Variants in PDE1A observed in about 807,000 individuals in gnomAD.
PDE1A encodes the protein dual specificity calcium/calmodulin-dependent 3',5'-cyclic nucleotide phosphodiesterase 1A.
Under a neutral mutation model 61.7 loss-of-function variants are expected in PDE1A, and 35 were observed. The observed-to-expected ratio is 0.57, with a 90% confidence interval of 0.43 to 0.75. PDE1A has a LOEUF of 0.75. PDE1A is among the 30% of genes least tolerant of loss of function. PDE1A has a pLI of 0.00. For missense variants in PDE1A, 597 were observed against 630.6 expected (o/e 0.95, Z 0.57); for synonymous variants, 232 against 213.2 (o/e 1.09, Z -0.77).
chr2:182,317,351 C>T (rs1394533653), intron 1 of PDE1A, among the ~76,000 whole-genome samples: 2 of 151,778 alleles, frequency 1.3e-5, no homozygotes, highest in African/African-American at 2.4e-5. Flanking sequence ...CTCAATGCTA[C>T]CATCATCCAC....
At chr2:182,426,134 T>C (rs573531880) in intron 1 of PDE1A, among the ~76,000 whole-genome samples, 1 of 152,316 alleles carries the variant, frequency 6.6e-6, no homozygotes, top group East Asian at 1.9e-4. Flanking sequence ...ATGTGCACTC[T>C]AGTAAAGTAG....
chr2:182,578,641 T>C, the PDE1A span, among the ~76,000 whole-genome samples: 1 of 152,174 alleles, frequency 6.6e-6, no homozygotes, highest in African/African-American at 2.4e-5. Context: ...ATTTATACAA[T>C]AGAAAAGTAT....
intron 1 of PDE1A, among the ~76,000 whole-genome samples, chr2:182,289,577 C>G (rs1200392979): frequency 1.3e-5 from 2 of 152,056 alleles, no homozygotes; most frequent in Non-Finnish European, 2.9e-5. Context: ...TTTTCTGGTT[C>G]AAGAAAAAGC....
At chr2:182,272,101 A>G (rs1693067425) in intron 1 of PDE1A, among the ~76,000 whole-genome samples, 1 of 152,158 alleles carries the variant, frequency 6.6e-6, no homozygotes, top group South Asian at 2.1e-4. Context: ...AAAGAAAAAC[A>G]TTAGAGAGCC....
chr2:182,627,916 C>T, the PDE1A span, among the ~76,000 whole-genome samples: 3 of 149,618 alleles, frequency 2.0e-5, no homozygotes, highest in Non-Finnish European at 4.4e-5. Context: ...TGCACTCCAG[C>T]CTGGGCAACA....
intron 10 of PDE1A, among the ~76,000 whole-genome samples, chr2:182,194,410 A>T (rs1241946885): frequency 6.6e-6 from 1 of 152,154 alleles, no homozygotes; most frequent in Non-Finnish European, 1.5e-5. Context: ...TATCAGTCAT[A>T]GTTAAAATAA....
intron 13 of PDE1A, among the ~76,000 whole-genome samples, chr2:182,154,165 AAAC>A (rs752564339): frequency 3.9e-5 from 6 of 152,288 alleles, no homozygotes; most frequent in Middle Eastern, 3.4e-3. Flanking sequence ...GAAAACAAAC[AAAC>A]AACAACAACA....
chr2:182,340,139 T>C (rs1460398927), intron 1 of PDE1A, among the ~76,000 whole-genome samples: 1 of 152,170 alleles, frequency 6.6e-6, no homozygotes. Context: ...GTTTGTAGAT[T>C]TATAAAATTG....
chr2:182,432,778 G>T (rs1704021072), intron 2 of PDE1A, among the ~76,000 whole-genome samples: 1 of 152,066 alleles, frequency 6.6e-6, no homozygotes, highest in African/African-American at 2.4e-5. Context: ...TGGCAGGAAA[G>T]AAGTGGTCTC....
At chr2:182,141,790 G>A (rs1483269165) in exon 15 of PDE1A, 1 of 152,178 alleles carries the variant, frequency 6.6e-6, no homozygotes, top group Non-Finnish European at 1.5e-5. Context: ...TCCTTTGCAT[G>A]ATTTAATTTA....
chr2:182,589,269 G>GAGGGAGGGAGGA, the PDE1A span, among the ~76,000 whole-genome samples: 75 of 121,936 alleles, frequency 6.2e-4, no homozygotes, highest in Non-Finnish European at 1.1e-3. Flanking sequence ...GGGAGGGAGG[G>GAGGGAGGGAGGA]AGGAAGGAAG....
At chr2:182,224,013 C>T (rs770566812) in intron 6 of PDE1A, 49 bp from the exon 7 acceptor site, 4 of 1,261,846 alleles carry the variant, frequency 3.2e-6, no homozygotes, top group Non-Finnish European at 4.6e-6. Flanking sequence ...TAGATAACAT[C>T]TTTCCTTTCT....
At chr2:182,241,746 T>C in intron 2 of PDE1A, 2 of 1,078,350 alleles carry the variant, frequency 1.9e-6, no homozygotes, top group South Asian at 3.7e-5. Context: ...GATACGTGTA[T>C]ACATATAACG....
At chr2:182,626,732 TATATAC>T in the PDE1A span, among the ~76,000 whole-genome samples, 91 of 5,730 alleles carry the variant, frequency 0.016, 11 homozygotes, top group East Asian at 0.17. Context: ...TATATATATA[TATATAC>T]ATATATATAC....
chr2:182,141,466 A>G (rs1466064015), exon 15 of PDE1A: 1 of 152,336 alleles, frequency 6.6e-6, no homozygotes, highest in East Asian at 1.9e-4. Flanking sequence ...CATAATGTCT[A>G]TAATACAATT....
intron 1 of PDE1A, among the ~76,000 whole-genome samples, chr2:182,425,751 T>C (rs1358385181): frequency 6.6e-6 from 1 of 152,194 alleles, no homozygotes; most frequent in African/African-American, 2.4e-5. Context: ...ATTGCTAACA[T>C]GTAGTATCTC....
At chr2:182,368,372 A>G (rs1039492815) in intron 1 of PDE1A, among the ~76,000 whole-genome samples, 1 of 125,048 alleles carries the variant, frequency 8.0e-6, no homozygotes, top group Non-Finnish European at 1.6e-5. Flanking sequence ...CATTTGATTG[A>G]TAAGTTTATG....
chr2:182,632,128 T>C, the PDE1A span, among the ~76,000 whole-genome samples: 2 of 152,166 alleles, frequency 1.3e-5, no homozygotes, highest in Non-Finnish European at 2.9e-5. Flanking sequence ...AGAAAACCTT[T>C]AGGATACATA....
chr2:182,523,664 T>A (rs555522070), upstream of PDE1A, among the ~76,000 whole-genome samples: 2 of 152,336 alleles, frequency 1.3e-5, no homozygotes, highest in African/African-American at 2.4e-5. Flanking sequence ...ATATTTCTGA[T>A]GTTTCAGACA....
Sources: allele counts gnomAD v4.1 joint callset (sites outside exome capture counted in the v4.1 genomes callset), GRCh38; gene constraint gnomAD v4.1.1; transcripts MANE v1.5; gene names NCBI Gene and HGNC (gene_info 2026-07-23, HGNC 2026-07-21).